Variants in VWA8 observed in about 807,000 individuals in gnomAD.
The protein encoded by VWA8 is von Willebrand factor A domain-containing protein 8.
In VWA8, 221 loss-of-function variants were observed where a neutral mutation model predicts 241.5. The ratio of observed to expected loss-of-function variants is 0.91; its 90% CI spans 0.82 to 1.02. VWA8 has a LOEUF of 1.02. Ranked by LOEUF, VWA8 falls within the 50% of genes least tolerant of loss-of-function variation. VWA8 has a pLI of 0.00. For missense variants in VWA8, 2,322 were observed against 2,328.7 expected (o/e 1.00, Z 0.06); for synonymous variants, 852 against 827.1 (o/e 1.03, Z -0.52).
rs369568252 is a variant in VWA8, at chr13:41,706,087, C to T, written c.3117-2676G>A. 3.3e-5 allele frequency among the ~76,000 whole-genome samples: 5 copies of T among 152,132 alleles called. No individual in the cohort carries two copies. The South Asian group carries it at 6.2e-4, about 19-fold the overall frequency. ...TGATCTAATATATTCTTTCATAAAC[C>T]GTACCAAACAATCATATAAATGCTT... is the stretch of plus-strand genomic sequence containing the variant. On this transcript the variant is annotated intron_variant, in intron 26 of 44. Coordinates refer to ENST00000379310, the MANE Select transcript of VWA8 (RefSeq NM_015058.2).
At chr13:41,636,722 GA>G (rs1159860020) in intron 37 of VWA8, among the ~76,000 whole-genome samples, 2 of 151,456 alleles carry the variant, frequency 1.3e-5, no homozygotes, top group African/African-American at 4.9e-5. Flanking sequence ...AAATTTACAA[GA>G]AAAAAACAAC....
chr13:41,851,149 C>T (rs1593816617), intron 12 of VWA8, among the ~76,000 whole-genome samples: 3 of 152,062 alleles, frequency 2.0e-5, no homozygotes, highest in Non-Finnish European at 4.4e-5. Flanking sequence ...AACTTTGTAC[C>T]CTTTGACTAA....
chr13:41,853,955 A>G (rs1037306902), intron 12 of VWA8, among the ~76,000 whole-genome samples: 1 of 152,126 alleles, frequency 6.6e-6, no homozygotes, highest in Non-Finnish European at 1.5e-5. Flanking sequence ...TTGCTGTTTC[A>G]TCAATTCCAA....
chr13:41,608,218 T>A (rs1439899034), intron 39 of VWA8, among the ~76,000 whole-genome samples: 1 of 152,084 alleles, frequency 6.6e-6, no homozygotes, highest in East Asian at 1.9e-4. Flanking sequence ...GTTTTAATTA[T>A]GAAGAAATCT....
intron 5 of VWA8, among the ~76,000 whole-genome samples, chr13:41,888,604 C>G (rs1874662331): frequency 6.6e-6 from 1 of 152,178 alleles, no homozygotes. Flanking sequence ...CAAAAAACAT[C>G]TTCATATCTT....
intron 37 of VWA8, among the ~76,000 whole-genome samples, chr13:41,661,577 T>C (rs944252631): frequency 2.6e-5 from 4 of 152,206 alleles, no homozygotes; most frequent in Non-Finnish European, 5.9e-5. Flanking sequence ...AATGATACCA[T>C]AGATTGAGAC....
At chr13:41,872,337 T>A (rs1873669821) in intron 9 of VWA8, among the ~76,000 whole-genome samples, 1 of 152,246 alleles carries the variant, frequency 6.6e-6, no homozygotes, top group South Asian at 2.1e-4. Flanking sequence ...AATTTTGGCT[T>A]TTCTTGCCAT....
intron 4 of VWA8, among the ~76,000 whole-genome samples, chr13:41,900,454 C>T (rs992299153): frequency 6.6e-6 from 1 of 152,248 alleles, no homozygotes; most frequent in East Asian, 1.9e-4. Context: ...CTGGCCCAGC[C>T]ATCTCCTATC....
intron 37 of VWA8, among the ~76,000 whole-genome samples, chr13:41,633,152 G>C (rs760044969): frequency 4.6e-5 from 7 of 152,200 alleles, no homozygotes; most frequent in Non-Finnish European, 8.8e-5. Context: ...ATGTGCATAT[G>C]TATATATACA....
intron 1 of VWA8, among the ~76,000 whole-genome samples, chr13:41,955,325 A>G (rs1878306472): frequency 6.6e-6 from 1 of 152,216 alleles, no homozygotes; most frequent in African/African-American, 2.4e-5. Context: ...TGAAGTGTCT[A>G]AAGTGCCTGA....
At chr13:41,818,384 C>T (rs1870794750) in intron 15 of VWA8, among the ~76,000 whole-genome samples, 1 of 149,564 alleles carries the variant, frequency 6.7e-6, no homozygotes, top group Non-Finnish European at 1.5e-5. Flanking sequence ...CCAGCCTGGC[C>T]AACATGGTGA....
intron 12 of VWA8, among the ~76,000 whole-genome samples, chr13:41,843,102 G>A (rs368584200): frequency 9.8e-5 from 15 of 152,290 alleles, no homozygotes; most frequent in African/African-American, 3.1e-4. Flanking sequence ...ACTTAAGGAT[G>A]ATGATATTTA....
chr13:41,603,087 T>C (rs1162667593), intron 40 of VWA8, among the ~76,000 whole-genome samples: 2 of 152,176 alleles, frequency 1.3e-5, no homozygotes, highest in Non-Finnish European at 2.9e-5. Context: ...TCATTGAGGA[T>C]ATTTAGTAAG....
Position 41,868,887 on chromosome 13 carries a change from C to CA in VWA8, c.1081-411dup, listed in dbSNP as rs56124196. 5.4e-3 allele frequency among the ~76,000 whole-genome samples: 408 copies of CA among 75,788 alleles called. 4 individuals are homozygous for CA. Among genetic ancestry groups the CA allele is most frequent in the Non-Finnish European group, 6.6e-3 (283 of 42,848 alleles). The allele number at this position is 75,788 out of a possible 152,430, so 49.7% of individuals were successfully genotyped here. A position where few individuals can be genotyped will look rare whatever the true frequency, so the allele number is the denominator to read the frequency against. ...TGGGCAAAACGGCAAGACTCCGTCTCAAAAAAAAAAAAAAAAAAAGGAAAA... is the reference window on the plus strand; with the variant it reads ...TGGGCAAAACGGCAAGACTCCGTCTCAAAAAAAAAAAAAAAAAAAAGGAAAA... On this transcript the variant is annotated intron_variant, in intron 9 of 44. Coordinates refer to ENST00000379310, the MANE Select transcript of VWA8 (RefSeq NM_015058.2).
chr13:41,656,726 A>G (rs963298606), intron 37 of VWA8, among the ~76,000 whole-genome samples: 1 of 152,248 alleles, frequency 6.6e-6, no homozygotes, highest in African/African-American at 2.4e-5. Context: ...TGTTGAGTGC[A>G]AAACAATAAA....
chr13:41,896,884 G>T (rs1205794182), intron 4 of VWA8, among the ~76,000 whole-genome samples: 1 of 152,084 alleles, frequency 6.6e-6, no homozygotes, highest in Non-Finnish European at 1.5e-5. Flanking sequence ...TATTAACCCA[G>T]AAATTCTACT....
intron 4 of VWA8, among the ~76,000 whole-genome samples, chr13:41,902,950 G>A (rs1294554836): frequency 6.6e-6 from 1 of 152,050 alleles, no homozygotes; most frequent in African/African-American, 2.4e-5. Flanking sequence ...AGAGCCACAG[G>A]TACTTTTTCA....
chr13:41,626,074 G>A (rs1464543702), intron 37 of VWA8, among the ~76,000 whole-genome samples: 1 of 113,616 alleles, frequency 8.8e-6, no homozygotes, highest in East Asian at 2.8e-4. Flanking sequence ...ACACTCTGGG[G>A]ACTGTTGTGG....
intron 21 of VWA8, among the ~76,000 whole-genome samples, chr13:41,741,197 T>C (rs982845129): frequency 1.3e-5 from 2 of 152,198 alleles, no homozygotes; most frequent in African/African-American, 2.4e-5. Flanking sequence ...TGTTCACTGA[T>C]GTTATCACTC....
Sources: allele counts gnomAD v4.1 joint callset (sites outside exome capture counted in the v4.1 genomes callset), GRCh38; gene constraint gnomAD v4.1.1; transcripts MANE v1.5; gene names NCBI Gene and HGNC (gene_info 2026-07-23, HGNC 2026-07-21).